PDAP1: variants seen among roughly 807,000 people sequenced by gnomAD.
PDAP1 encodes the protein 28 kDa heat- and acid-stable phosphoprotein.
Under a neutral mutation model 28.0 loss-of-function variants are expected in PDAP1, and 13 were observed. That is an observed-to-expected ratio of 0.46 (90% CI 0.30 to 0.74). The LOEUF (loss-of-function observed/expected upper bound fraction) is 0.74. Among genes scored for constraint, PDAP1 ranks in the 30% least tolerant of loss-of-function variants. PDAP1 has a pLI of 0.07. For synonymous variants in PDAP1, 77 were observed against 85.1 expected (o/e 0.91, Z 0.52); for missense variants, 150 against 230.0 (o/e 0.65, Z 2.25).
intron 1 of PDAP1, among the ~76,000 whole-genome samples, chr7:99,407,684 G>A (rs970441044): frequency 3.9e-5 from 6 of 152,188 alleles, no homozygotes; most frequent in African/African-American, 1.4e-4. Flanking sequence ...TGTTTCAGAT[G>A]AGGAAGAGGT....
intron 1 of PDAP1, 148 bp from the exon 2 acceptor site, chr7:99,405,101 CAT>C (rs1794949314): frequency 1.6e-6 from 1 of 608,896 alleles, no homozygotes; most frequent in Non-Finnish European, 2.9e-6. Flanking sequence ...CCGCCACCCT[CAT>C]GTGTTCAAAG....
intron 1 of PDAP1, among the ~76,000 whole-genome samples, chr7:99,408,000 G>A (rs1050530481): frequency 1.1e-4 from 16 of 152,166 alleles, no homozygotes; most frequent in Admixed American, 1.0e-3. Context: ...ATTCCCATTG[G>A]CAAATGAGAA....
At chr7:99,397,688 T>C (rs556378034) in intron 5 of PDAP1, among the ~76,000 whole-genome samples, 174 bp downstream of exon 5, 22 of 152,240 alleles carry the variant, frequency 1.4e-4, no homozygotes, top group African/African-American at 4.8e-4. Flanking sequence ...ACCCTCCTGG[T>C]CCCCGAGGGA....
chr7:99,405,504 C>T (rs1360714100), intron 1 of PDAP1, among the ~76,000 whole-genome samples: 1 of 152,080 alleles, frequency 6.6e-6, no homozygotes, highest in Non-Finnish European at 1.5e-5. Context: ...GGACTACAGG[C>T]GTGCACCACT....
At chr7:99,400,533 C>T in intron 3 of PDAP1, 109 bp from the exon 4 acceptor site, 1 of 1,216,654 alleles carries the variant, frequency 8.2e-7, no homozygotes. Flanking sequence ...AACTCCTGCT[C>T]CACCCCAGCC....
intron 2 of PDAP1, 151 bp from the exon 3 acceptor site, chr7:99,403,656 C>G: frequency 1.4e-6 from 1 of 697,582 alleles, no homozygotes; most frequent in Non-Finnish European, 2.6e-6. Flanking sequence ...GTGACCCTGG[C>G]CCCCAGGGAA....
In PDAP1 at chr7:99,401,038, GC is replaced by G. The variant is rs1794856329; in HGVS notation, c.214-615del. Among the ~76,000 whole-genome samples, 3 of 152,234 alleles carry G rather than the reference GC, an allele frequency of 2.0e-5. No individual in the cohort carries two copies. In the South Asian group the frequency reaches 6.2e-4, roughly 32 times the overall value. On this transcript the variant is annotated intron_variant, in intron 3 of 5. Transcript: ENST00000350498. ...GCAGCAGGTTTGGTCAAAGTTTCAG[GC>G]CCTGTCAATTCCATCAATTCTCCTT... is the stretch of plus-strand genomic sequence containing the variant.
intron 2 of PDAP1, 76 bp downstream of exon 2, chr7:99,404,786 C>T: frequency 8.4e-7 from 1 of 1,195,946 alleles, no homozygotes. Context: ...GTAGTCCTTG[C>T]CTGGCCTCTC....
chr7:99,399,409 A>G (rs1182420894), intron 4 of PDAP1, among the ~76,000 whole-genome samples: 2 of 152,198 alleles, frequency 1.3e-5, no homozygotes, highest in African/African-American at 4.8e-5. Flanking sequence ...CTGCAACCCC[A>G]AAGGACAGAA....
chr7:99,395,007 TC>T lies in PDAP1; in HGVS notation c.*1674del, dbSNP rs1794721425. Reference sequence around the variant, plus strand: ...TTTTACTGCTTGCCAACAAAATTGATCCTGAAGCCCAACGGCCTTATGCCAA... The same window carrying T: ...TTTTACTGCTTGCCAACAAAATTGATCTGAAGCCCAACGGCCTTATGCCAA... On this transcript the variant is annotated 3_prime_UTR_variant, in exon 6 of 6. Coordinates refer to ENST00000350498, the MANE Select transcript of PDAP1 (RefSeq NM_014891.7). 1 of 256,184 alleles carries T rather than the reference TC, an allele frequency of 3.9e-6. No individual in the cohort carries two copies. The highest frequency in any genetic ancestry group is 2.3e-5 in the African/African-American group (1 of 44,180). The allele number at this position is 256,184 out of a possible 1,614,324, so 15.9% of individuals were successfully genotyped here.
At chr7:99,403,578 C>G in intron 2 of PDAP1, 73 bp from the exon 3 acceptor site, 1 of 955,754 alleles carries the variant, frequency 1.0e-6, no homozygotes, top group Non-Finnish European at 1.7e-6. Flanking sequence ...CCTATCACCC[C>G]CCAGACTGTG....
chr7:99,394,779 TAAAAAAAA>T lies in PDAP1; in HGVS notation c.*1895_*1902del, dbSNP rs773085531. 6.3e-6 allele frequency: 6 copies of T among 958,246 alleles called. No individual in the cohort carries two copies. Among genetic ancestry groups the T allele is most frequent in the African/African-American group, 4.7e-5 (2 of 42,898 alleles). 59.4% of individuals were successfully genotyped at this position (958,246 alleles called of 1,614,324 possible). Reference sequence around the variant, plus strand: ...GTGGAGGTAATAAAATGCAACTGTGTAAAAAAAAAAAAAAAAAAAAAAGTAATTATGGA... The same window carrying T: ...GTGGAGGTAATAAAATGCAACTGTGTAAAAAAAAAAAAAAGTAATTATGGA... On this transcript the variant is annotated 3_prime_UTR_variant, in exon 6 of 6. Coordinates refer to ENST00000350498, the MANE Select transcript of PDAP1 (RefSeq NM_014891.7).
intron 5 of PDAP1, among the ~76,000 whole-genome samples, chr7:99,397,186 T>C (rs777218647): frequency 1.4e-4 from 21 of 152,142 alleles, no homozygotes; most frequent in Non-Finnish European, 2.6e-4. Context: ...CGGGTGACAA[T>C]GTCCCTGAGC....
chr7:99,402,098 C>T (rs933529760), intron 3 of PDAP1, among the ~76,000 whole-genome samples: 5 of 151,654 alleles, frequency 3.3e-5, no homozygotes, highest in African/African-American at 1.2e-4. Context: ...TGAAACGCTA[C>T]CTCTACGGTA....
intron 4 of PDAP1, among the ~76,000 whole-genome samples, chr7:99,398,894 A>G (rs1288098524): frequency 6.6e-6 from 1 of 152,214 alleles, no homozygotes; most frequent in East Asian, 1.9e-4. Context: ...AGATGGGAAT[A>G]ATTGCTGGGC....
In PDAP1 at chr7:99,396,622, C is replaced by T. The variant is rs1332090985; in HGVS notation, c.*60G>A. On this transcript the variant is annotated 3_prime_UTR_variant, in exon 6 of 6. Coordinates refer to ENST00000350498, the MANE Select transcript of PDAP1 (RefSeq NM_014891.7). ...GCGCCAGGGCACAGGGTGGGCGAGA[C>T]ACAGCAGAGGTCCTGGCAGCGCGGC... The T allele has an allele frequency of 1.4e-6, 2 of 1,440,510 alleles. No individual in the cohort carries two copies. Among genetic ancestry groups the T allele is most frequent in the African/African-American group, 1.4e-5 (1 of 71,370 alleles). The allele number at this position is 1,440,510 out of a possible 1,614,324, so 89.2% of individuals were successfully genotyped here. A position where few individuals can be genotyped will look rare whatever the true frequency, so the allele number is the denominator to read the frequency against.
intron 1 of PDAP1, among the ~76,000 whole-genome samples, chr7:99,406,031 C>T (rs577108565): frequency 1.7e-3 from 256 of 152,318 alleles, no homozygotes; most frequent in Non-Finnish European, 2.9e-3. Context: ...GCGGGCAGAT[C>T]ACTTGAGGCC....
At chr7:99,402,989 T>C (rs1794906524) in intron 3 of PDAP1, among the ~76,000 whole-genome samples, 2 of 152,070 alleles carry the variant, frequency 1.3e-5, no homozygotes, top group South Asian at 4.1e-4. Context: ...ACTCCGCTCC[T>C]TACCCACTAA....
chr7:99,399,603 C>T (rs905145260), intron 4 of PDAP1, among the ~76,000 whole-genome samples: 27 of 152,188 alleles, frequency 1.8e-4, no homozygotes, highest in African/African-American at 6.3e-4. Flanking sequence ...TCCTTAGCAG[C>T]TGCAATCACA....
Sources: allele counts gnomAD v4.1 joint callset (sites outside exome capture counted in the v4.1 genomes callset), GRCh38; gene constraint gnomAD v4.1.1; transcripts MANE v1.5; gene names NCBI Gene and HGNC (gene_info 2026-07-23, HGNC 2026-07-21).